CCDC149: variants seen among roughly 807,000 people sequenced by gnomAD.
The protein encoded by CCDC149 is coiled-coil domain-containing protein 149.
In CCDC149, 45 loss-of-function variants were observed where a neutral mutation model predicts 59.9. The observed-to-expected ratio is 0.75, with a 90% confidence interval of 0.59 to 0.96. The LOEUF (loss-of-function observed/expected upper bound fraction) is 0.96, where lower values mean the gene tolerates loss of function less well. Ranked by LOEUF, CCDC149 falls within the 40% of genes least tolerant of loss-of-function variation. CCDC149 has a pLI of 0.00. For synonymous variants in CCDC149, 245 were observed against 260.6 expected, an observed-to-expected ratio of 0.94 and a Z score of 0.58; for missense variants, 584 against 664.7, an observed-to-expected ratio of 0.88 and a Z score of 1.33.
upstream of CCDC149, among the ~76,000 whole-genome samples, chr4:24,917,756 T>C (rs189011835): frequency 6.6e-6 from 1 of 152,104 alleles, no homozygotes; most frequent in East Asian, 1.9e-4. Context: ...ACAGGAAAAG[T>C]CATCTGCTCT....
chr4:24,969,512 T>C lies in CCDC149; in HGVS notation c.-65+10557A>G, dbSNP rs563749210. Among the ~76,000 whole-genome samples, 9 of 152,316 alleles carry C rather than the reference T, an allele frequency of 5.9e-5. No homozygotes were observed. The South Asian group carries it at 1.2e-3, about 21-fold the overall frequency. On this transcript the variant is annotated intron_variant, in intron 1 of 12. Transcript: ENST00000389609. ...TACATCCTACAAGCCCCGAGTATAATTGAGCGATATAATGAACTCTTGAAT... is the reference window on the plus strand; with the variant it reads ...TACATCCTACAAGCCCCGAGTATAACTGAGCGATATAATGAACTCTTGAAT...
intron 1 of CCDC149, among the ~76,000 whole-genome samples, chr4:24,929,868 G>A (rs544432255): frequency 1.1e-4 from 17 of 151,998 alleles, no homozygotes; most frequent in Admixed American, 2.0e-4. Flanking sequence ...ACTTTAGACC[G>A]TCTCTCTGAC....
At chr4:24,843,857 T>G (rs55968809) in intron 4 of CCDC149, among the ~76,000 whole-genome samples, 4 of 152,026 alleles carry the variant, frequency 2.6e-5, no homozygotes, top group Non-Finnish European at 5.9e-5. Context: ...GACCTGCTCC[T>G]ACCTGCCTCC....
Position 24,837,166 on chromosome 4 carries a change from G to A in CCDC149, c.662+62C>T. On this transcript the variant is annotated intron_variant, in intron 6 of 12. Transcript: ENST00000635206. The surrounding 1 kb of genome is among the most constrained non-coding windows in gnomAD (Gnocchi z 4.3). ...TAAATAGGGCTGCAAATAACTCCCA[G>A]CCTGCAGGCCTGTGCAGAGCCAGCC... The A allele has an allele frequency of 6.7e-7, 1 of 1,485,980 alleles. No individual in the cohort carries two copies. Among genetic ancestry groups the A allele is most frequent in the Non-Finnish European group, 9.2e-7 (1 of 1,092,154 alleles). The allele number at this position is 1,485,980 out of a possible 1,614,324, so 92.0% of individuals were successfully genotyped here.
rs140961833 is a variant in CCDC149 at position 24,895,011 on chromosome 4, G to A, written c.63+17806C>T. ...CAATACCTCAGAATCCCAAGTGGCCGCTCTGGCGATGATGATGATGATGAC... is the reference window on the plus strand; with the variant it reads ...CAATACCTCAGAATCCCAAGTGGCCACTCTGGCGATGATGATGATGATGAC... On this transcript the variant is annotated intron_variant, in intron 1 of 12. Transcript: ENST00000635206. 161 of 1,536,256 alleles carry A rather than the reference G, an allele frequency of 1.0e-4. 2 individuals carry two copies. The East Asian group carries it at 3.3e-3, about 31-fold the overall frequency.
intron 1 of CCDC149, among the ~76,000 whole-genome samples, chr4:24,972,782 G>A (rs1724015304): frequency 6.6e-6 from 1 of 152,128 alleles, no homozygotes; most frequent in Non-Finnish European, 1.5e-5. Context: ...TTACCCCAAA[G>A]TATGTTTATT....
upstream of CCDC149, among the ~76,000 whole-genome samples, chr4:24,914,818 C>T (rs1313678347): frequency 6.6e-6 from 1 of 152,178 alleles, no homozygotes; most frequent in African/African-American, 2.4e-5. Flanking sequence ...TCCCTGGCAG[C>T]CCTTCAAAAA....
At chr4:24,955,613 C>CA (rs1157816869) in intron 1 of CCDC149, among the ~76,000 whole-genome samples, 1 of 151,824 alleles carries the variant, frequency 6.6e-6, no homozygotes, top group Non-Finnish European at 1.5e-5. Flanking sequence ...AAGCCAGTCA[C>CA]AAAAAACAAA....
chr4:24,886,386 T>C (rs1031460179), intron 1 of CCDC149, among the ~76,000 whole-genome samples: 1 of 152,194 alleles, frequency 6.6e-6, no homozygotes, highest in African/African-American at 2.4e-5. Context: ...CTGGACTCTG[T>C]TACATTTCAG....
intron 1 of CCDC149, among the ~76,000 whole-genome samples, chr4:24,941,917 C>CA (rs1722965977): frequency 6.6e-6 from 1 of 151,948 alleles, no homozygotes; most frequent in East Asian, 1.9e-4. Flanking sequence ...GCTTACCAAC[C>CA]AAAAAAAGTC....
At chr4:24,894,281 C>A (rs1485524777) in intron 1 of CCDC149, among the ~76,000 whole-genome samples, 2 of 152,032 alleles carry the variant, frequency 1.3e-5, no homozygotes, top group Non-Finnish European at 2.9e-5. Flanking sequence ...AATTTTATTG[C>A]CATTAGTAAT....
Position 24,819,845 on chromosome 4 carries a change from C to T in CCDC149, c.1192+14G>A, listed in dbSNP as rs910883023. On this transcript the variant is annotated intron_variant, in intron 12 of 12. Coordinates refer to ENST00000635206, the MANE Select transcript of CCDC149 (RefSeq NM_001330643.2). ...ACAGTCCAGGTAAAGATGGAGAAAT[C>T]GAGGCGTGCTTACCATCCTTGGGAT... 27 of 1,534,796 alleles carry T rather than the reference C, an allele frequency of 1.8e-5. No homozygotes were observed. The highest frequency in any genetic ancestry group is 2.8e-5 in the African/African-American group (2 of 72,692).
At chr4:24,884,761 G>A (rs1720055458) in intron 1 of CCDC149, among the ~76,000 whole-genome samples, 1 of 152,224 alleles carries the variant, frequency 6.6e-6, no homozygotes, top group Admixed American at 6.5e-5. Flanking sequence ...GGGTTGGTAT[G>A]AGAATTAAGA....
chr4:24,820,169 C>A lies in CCDC149; in HGVS notation c.1076-194G>T, dbSNP rs536429132. 224 of 528,934 alleles carry A rather than the reference C, an allele frequency of 4.2e-4. 1 individual carries two copies. The highest frequency in any genetic ancestry group is 4.1e-3 in the African/African-American group (213 of 51,988). 32.8% of individuals were successfully genotyped at this position (528,934 alleles called of 1,614,324 possible). On this transcript the variant is annotated intron_variant, in intron 11 of 12. Coordinates refer to ENST00000635206, the MANE Select transcript of CCDC149 (RefSeq NM_001330643.2). ...ACCCTAGCCCTAACCCTTGCACACACACACACACAAAATCCTTATCACTAA... is the reference window on the plus strand; with the variant it reads ...ACCCTAGCCCTAACCCTTGCACACAAACACACACAAAATCCTTATCACTAA...
chr4:24,953,651 G>A (rs1723380156), intron 1 of CCDC149, among the ~76,000 whole-genome samples: 1 of 152,154 alleles, frequency 6.6e-6, no homozygotes, highest in Admixed American at 6.5e-5. Flanking sequence ...TTCAAAGCAT[G>A]CAAAGTATGG....
chr4:24,813,501 T>TATATATATATACAC (rs1553846371), intron 12 of CCDC149, among the ~76,000 whole-genome samples: 3 of 42,096 alleles, frequency 7.1e-5, no homozygotes, highest in African/African-American at 2.1e-4. Context: ...TATATATATA[T>TATATATATATACAC]ATATATATAT....
chr4:24,924,204 A>G (rs1196571826), intron 1 of CCDC149, among the ~76,000 whole-genome samples: 2 of 152,088 alleles, frequency 1.3e-5, no homozygotes, highest in African/African-American at 4.8e-5. Flanking sequence ...AAAGATCTTA[A>G]GCCATAAAGT....
At chr4:24,941,005 C>T (rs561379421) in intron 1 of CCDC149, among the ~76,000 whole-genome samples, 21 of 152,082 alleles carry the variant, frequency 1.4e-4, no homozygotes, top group East Asian at 7.7e-4. Context: ...AAAGTTAAGA[C>T]GGATATCCAG....
chr4:24,833,940 A>G (rs1716332562), intron 8 of CCDC149, among the ~76,000 whole-genome samples: 2 of 152,208 alleles, frequency 1.3e-5, no homozygotes, highest in Admixed American at 1.3e-4. Context: ...TGGTTCTGCC[A>G]CAGTGTTTGA....
Sources: allele counts gnomAD v4.1 joint callset (sites outside exome capture counted in the v4.1 genomes callset), GRCh38; gene constraint gnomAD v4.1.1; non-coding constraint Gnocchi (gnomAD v3.1); transcripts MANE v1.5; gene names NCBI Gene and HGNC (gene_info 2026-07-23, HGNC 2026-07-21).